Variants in FILIP1 observed in about 807,000 individuals in gnomAD.
FILIP1 encodes filamin A interacting protein 1, also known as filamin-A-interacting protein 1.
Under a neutral mutation model 102.1 loss-of-function variants are expected in FILIP1, and 61 were observed. The ratio of observed to expected loss-of-function variants is 0.60; its 90% CI spans 0.49 to 0.74. The LOEUF is 0.74. FILIP1 is among the 30% of genes least tolerant of loss of function. The probability of loss-of-function intolerance (pLI) is 0.00; values close to 1 mark genes in which losing one functional copy is unlikely to be tolerated. For synonymous variants in FILIP1, 491 were observed against 526.9 expected (o/e 0.93, Z 0.93); for missense variants, 1,314 against 1,441.2 (o/e 0.91, Z 1.43).
chr6:75,317,469 T>C (rs1409036314), intron 4 of FILIP1, among the ~76,000 whole-genome samples: 1 of 152,242 alleles, frequency 6.6e-6, no homozygotes, highest in Non-Finnish European at 1.5e-5. Context: ...TTGTATATGC[T>C]ATTGGCTTCA....
At chr6:75,319,533 T>A (rs1773568614) in intron 4 of FILIP1, 1 of 563,868 alleles carries the variant, frequency 1.8e-6, no homozygotes, top group Non-Finnish European at 3.5e-6. Flanking sequence ...TCTGAGCACT[T>A]CTTAGAAAAC....
chr6:75,332,604 C>T lies in FILIP1; in HGVS notation c.630-17402G>A, dbSNP rs187201158. On this transcript the variant is annotated intron_variant, in intron 4 of 5. Coordinates refer to ENST00000237172, the MANE Select transcript of FILIP1 (RefSeq NM_015687.5). The stretch of plus-strand genomic sequence containing the variant: ...TATATTTAGGAAATGCATATTGCCA[C>T]AGGAAATTCTCTCCCTTGGAAAATA... 1.8e-3 allele frequency among the ~76,000 whole-genome samples: 279 copies of T among 152,278 alleles called. 1 individual carries two copies. The highest frequency in any genetic ancestry group is 6.8e-3 in the Middle Eastern group (2 of 294).
chr6:75,411,658 T>C (rs772106418), intron 2 of FILIP1, among the ~76,000 whole-genome samples: 21 of 152,194 alleles, frequency 1.4e-4, no homozygotes, highest in Non-Finnish European at 4.4e-5. Flanking sequence ...CCCAACACCA[T>C]TTATTAAAAA....
At chr6:75,414,213 A>C (rs1254605145) in intron 2 of FILIP1, among the ~76,000 whole-genome samples, 1 of 151,796 alleles carries the variant, frequency 6.6e-6, no homozygotes, top group Non-Finnish European at 1.5e-5. Context: ...AGTTAAAAAA[A>C]GAGAGAAAAG....
At chr6:75,456,761 T>A (rs1024411266) in intron 1 of FILIP1, among the ~76,000 whole-genome samples, 1 of 152,094 alleles carries the variant, frequency 6.6e-6, no homozygotes, top group African/African-American at 2.4e-5. Context: ...GGTTTCACCA[T>A]GTTGGCCAGG....
chr6:75,335,424 C>T (rs1045904137), intron 4 of FILIP1, among the ~76,000 whole-genome samples: 1 of 151,906 alleles, frequency 6.6e-6, no homozygotes, highest in Non-Finnish European at 1.5e-5. Context: ...TTTTCAAAAG[C>T]TTCTATCATC....
chr6:75,480,122 C>T (rs539867158), intron 1 of FILIP1, among the ~76,000 whole-genome samples: 85 of 151,900 alleles, frequency 5.6e-4, no homozygotes, highest in African/African-American at 2.0e-3. Context: ...TTTTTTTAGA[C>T]TTAAATTTCT....
At chr6:75,371,135 A>G (rs1378959553) in intron 2 of FILIP1, among the ~76,000 whole-genome samples, 2 of 152,222 alleles carry the variant, frequency 1.3e-5, no homozygotes, top group Non-Finnish European at 2.9e-5. Context: ...TTAGAAATCA[A>G]AGTTAACAAG....
In FILIP1 at chr6:75,394,718, A is replaced by T. The variant is rs147450961; in HGVS notation, c.276+19979T>A. 5.1e-4 allele frequency among the ~76,000 whole-genome samples: 78 copies of T among 152,272 alleles called. 1 individual carries two copies. The highest frequency in any genetic ancestry group is 1.7e-3 in the African/African-American group (70 of 41,572). ...ACTCATAAGAGAAATGTAAATTAAA[A>T]CTACTGGAAAATACCCATTTCACCT... is the stretch of plus-strand genomic sequence containing the variant. On this transcript the variant is annotated intron_variant, in intron 2 of 5. Coordinates refer to ENST00000237172, the MANE Select transcript of FILIP1 (RefSeq NM_015687.5).
At chr6:75,466,837 T>A (rs185721757) in intron 1 of FILIP1, among the ~76,000 whole-genome samples, 52 of 152,296 alleles carry the variant, frequency 3.4e-4, no homozygotes, top group African/African-American at 1.2e-3. Context: ...TCTATTTTAT[T>A]TTATGTTGAT....
intron 3 of FILIP1, chr6:75,360,913 C>T (rs1001649870): frequency 6.6e-6 from 1 of 152,180 alleles, no homozygotes; most frequent in African/African-American, 2.4e-5. Context: ...GATTCTGCTC[C>T]TAGGTAACAA....
At chr6:75,334,043 G>C (rs914503181) in intron 4 of FILIP1, among the ~76,000 whole-genome samples, 4 of 152,096 alleles carry the variant, frequency 2.6e-5, no homozygotes, top group Non-Finnish European at 4.4e-5. Context: ...CATGCAAAGA[G>C]AGAGCTGCAG....
At chr6:75,350,281 A>C (rs1028339895) in intron 4 of FILIP1, among the ~76,000 whole-genome samples, 2 of 152,160 alleles carry the variant, frequency 1.3e-5, no homozygotes, top group African/African-American at 2.4e-5. Flanking sequence ...GTGGTGTGAA[A>C]ATTAAGTGAG....
At chr6:75,456,565 C>CT (rs145044469) in intron 1 of FILIP1, among the ~76,000 whole-genome samples, 4,771 of 141,558 alleles carry the variant, frequency 0.034, 162 homozygotes, top group African/African-American at 0.084. Flanking sequence ...TTTTTCTTTT[C>CT]TTTTTTTTTT....
chr6:75,376,530 T>C (rs1252348246), intron 2 of FILIP1, among the ~76,000 whole-genome samples: 1 of 152,134 alleles, frequency 6.6e-6, no homozygotes. Context: ...CCAACCTGCA[T>C]GAGAATGAAA....
intron 2 of FILIP1, among the ~76,000 whole-genome samples, chr6:75,374,288 T>TA (rs1775675940): frequency 6.6e-6 from 1 of 152,230 alleles, no homozygotes; most frequent in South Asian, 2.1e-4. Flanking sequence ...TCTATGCTGA[T>TA]AAAGACCTTA....
In FILIP1 at chr6:75,308,830, G is replaced by C. The variant is rs761442839; in HGVS notation, c.3503C>G (p.Ala1168Gly). 6.2e-7 allele frequency: 1 copy of C among 1,614,130 alleles called. No individual in the cohort carries two copies. Among genetic ancestry groups the C allele is most frequent in the African/African-American group, 1.3e-5 (1 of 75,040 alleles). ...TGGGGCTGCCACTACTGGCTTTCCT[G>C]CTTTCATACCTTTTGACATAGGAAT... ...TRIPMSKGMK[A>G]GKPVVAAPGA... is the part of the protein sequence containing the mutation. The change falls in exon 6 of 6, where the codon GCA (alanine) becomes GGA (glycine). Residue 1168 changes from alanine to glycine, a missense_variant. This residue lies in a region of FILIP1 where 816 missense variants were observed against 913.1 expected (regional missense o/e 0.89). Transcript: ENST00000237172.
At chr6:75,358,957 C>T (rs372898748) in intron 3 of FILIP1, among the ~76,000 whole-genome samples, 3 of 150,990 alleles carry the variant, frequency 2.0e-5, no homozygotes, top group Non-Finnish European at 4.4e-5. Context: ...CTCCTGACCT[C>T]GTGATCTGAC....
At chr6:75,442,152 AATGGGTG>A (rs1453732729) in intron 1 of FILIP1, among the ~76,000 whole-genome samples, 2 of 151,420 alleles carry the variant, frequency 1.3e-5, no homozygotes, top group East Asian at 4.0e-4. Context: ...CAGCTCAGAC[AATGGGTG>A]GCCGGGCAGA....
Sources: gnomAD v4.1 joint callset for allele counts (sites outside exome capture counted in the v4.1 genomes callset) on GRCh38, gnomAD v4.1.1 for gene constraint, gnomAD v4.1.1 regional missense constraint, MANE v1.5 for transcripts, NCBI Gene and HGNC (gene_info 2026-07-23, HGNC 2026-07-21) for gene names.